The following SYN3 variants were observed in gnomAD, a reference collection of about 807,000 sequenced individuals.
SYN3 encodes synapsin III.
SYN3 carries 35 observed loss-of-function variants against 65.8 expected under a neutral mutation model. The ratio of observed to expected loss-of-function variants is 0.53; its 90% confidence interval spans 0.41 to 0.70. SYN3 has a LOEUF of 0.70. SYN3 is among the 30% of genes least tolerant of loss of function. The pLI is 0.00. For synonymous variants in SYN3, 270 were observed against 292.9 expected (o/e 0.92, Z 0.80); for missense variants, 680 against 749.0 (o/e 0.91, Z 1.08).
In SYN3 at chr22:32,710,645, A is replaced by AAAAAAAAAAAAAAAAG. The variant is rs1555931894; in HGVS notation, c.712-113910_712-113909insCTTTTTTTTTTTTTTT. On this transcript the variant is annotated intron_variant, in intron 6 of 13. Coordinates refer to ENST00000358763, the MANE Select transcript of SYN3 (RefSeq NM_003490.4). ...GAGACTCTGTCTCAAAAAAAAAAAA[A>AAAAAAAAAAAAAAAAG]AAAGAAAGAAAGAAAAAGAAAGAAA... Among the ~76,000 whole-genome samples, 247 of 126,942 alleles carry AAAAAAAAAAAAAAAAG rather than the reference A, an allele frequency of 1.9e-3. 15 individuals are homozygous for AAAAAAAAAAAAAAAAG. Among genetic ancestry groups the AAAAAAAAAAAAAAAAG allele is most frequent in the African/African-American group, 7.8e-3 (224 of 28,698 alleles). The allele number at this position is 126,942 out of a possible 152,430, so 83.3% of individuals were successfully genotyped here. A position where few individuals can be genotyped will look rare whatever the true frequency, so the allele number is the denominator to read the frequency against.
chr22:32,611,006 A>C (rs1472072271), intron 6 of SYN3, among the ~76,000 whole-genome samples: 1 of 152,224 alleles, frequency 6.6e-6, no homozygotes, highest in Non-Finnish European at 1.5e-5. Flanking sequence ...TGACCTGGAT[A>C]TGTATTTCCA....
At position 32,575,237 on chromosome 22, in the gene SYN3, C is replaced by T. The variant is rs181604919; in HGVS notation, c.774+21437G>A. On this transcript the variant is annotated intron_variant, in intron 7 of 13. Transcript: ENST00000358763. ...AGGGCTCAAAGTCAAAAGAGCAAAG[C>T]CAGGTCACTGTTGAGGAAGCATTGG... Among the ~76,000 whole-genome samples the T allele has an allele frequency of 1.4e-3, 220 of 152,322 alleles. 1 individual carries two copies. Among genetic ancestry groups the T allele is most frequent in the Middle Eastern group, 3.4e-3 (1 of 294 alleles).
At chr22:32,598,030 G>A (rs894958258) in intron 6 of SYN3, among the ~76,000 whole-genome samples, 15 of 152,214 alleles carry the variant, frequency 9.9e-5, no homozygotes, top group African/African-American at 3.1e-4. Flanking sequence ...TTTGCATTGC[G>A]TGAGGGCAAA....
intron 4 of SYN3, among the ~76,000 whole-genome samples, chr22:32,929,705 A>C (rs1404681178): frequency 6.6e-6 from 1 of 152,180 alleles, no homozygotes; most frequent in Non-Finnish European, 1.5e-5. Context: ...TTCACCTAGA[A>C]GCTGTAGTCC....
At chr22:32,767,115 C>T (rs546053952) in intron 6 of SYN3, among the ~76,000 whole-genome samples, 56 of 152,284 alleles carry the variant, frequency 3.7e-4, no homozygotes, top group East Asian at 1.4e-3. Flanking sequence ...ATCCCTACTG[C>T]GCATCAGGGA....
At chr22:32,724,848 C>T (rs955044321) in intron 6 of SYN3, among the ~76,000 whole-genome samples, 6 of 152,110 alleles carry the variant, frequency 3.9e-5, no homozygotes, top group Admixed American at 1.3e-4. Flanking sequence ...GGGCCGAGCG[C>T]GGTGGCTCAC....
intron 6 of SYN3, among the ~76,000 whole-genome samples, chr22:32,639,911 G>A (rs2059871858): frequency 6.6e-6 from 1 of 152,136 alleles, no homozygotes; most frequent in Non-Finnish European, 1.5e-5. Flanking sequence ...ACTTTGTGTG[G>A]CTATTGGATG....
At chr22:32,671,395 C>A (rs1229766448) in intron 6 of SYN3, among the ~76,000 whole-genome samples, 1 of 152,018 alleles carries the variant, frequency 6.6e-6, no homozygotes, top group African/African-American at 2.4e-5. Flanking sequence ...CACCCGCATC[C>A]TCTCACACTC....
chr22:32,587,573 T>C (rs1422092114), intron 7 of SYN3, among the ~76,000 whole-genome samples: 2 of 152,180 alleles, frequency 1.3e-5, no homozygotes, highest in East Asian at 3.9e-4. Flanking sequence ...GCTCATTTTC[T>C]AATACTCCCT....
intron 6 of SYN3, among the ~76,000 whole-genome samples, chr22:32,792,794 G>A (rs1010580764): frequency 2.0e-5 from 3 of 152,116 alleles, no homozygotes; most frequent in Admixed American, 2.0e-4. Context: ...AGCACTCAAC[G>A]AGAACCCAAG....
Position 32,864,979 on chromosome 22 carries a change from T to C in SYN3, c.647A>G (p.His216Arg). ...WVFSQLIKIF[H>R]SLGPEKFPLV... ...CGGGAACTTCTCAGGACCCAGGGAATGGAAGATCTTAATGAGCTGAGAGAA... is the reference window on the plus strand; with the variant it reads ...CGGGAACTTCTCAGGACCCAGGGAACGGAAGATCTTAATGAGCTGAGAGAA... Residue 216 changes from histidine to arginine, a missense_variant, in exon 6 of 14, where the codon CAT (histidine) becomes CGT (arginine). His to Arg is a conservative substitution (Grantham distance 29). Transcript: ENST00000358763. 1.9e-6 allele frequency: 3 copies of C among 1,614,080 alleles called. No individual in the cohort carries two copies. Among genetic ancestry groups the C allele is most frequent in the Admixed American group, 1.7e-5 (1 of 60,024 alleles).
intron 3 of SYN3, among the ~76,000 whole-genome samples, chr22:32,946,306 T>C (rs1229258455): frequency 8.5e-5 from 13 of 152,204 alleles, no homozygotes; most frequent in Non-Finnish European, 4.4e-5. Flanking sequence ...TGTCCATCAA[T>C]GATAGACTGG....
At chr22:32,541,964 G>A (rs2058263259) in intron 7 of SYN3, among the ~76,000 whole-genome samples, 1 of 152,124 alleles carries the variant, frequency 6.6e-6, no homozygotes, top group Non-Finnish European at 1.5e-5. Context: ...GGGTTTGGAA[G>A]GATGAACATG....
rs184281596 is a variant in SYN3, at chr22:32,897,690, T to C, written c.462-28565A>G. ...TCCTTGTGGAAAATGAAGATCATAATAGCGCTTACCTCACAGAGTTGTTAA... is the reference window on the plus strand; with the variant it reads ...TCCTTGTGGAAAATGAAGATCATAACAGCGCTTACCTCACAGAGTTGTTAA... On this transcript the variant is annotated intron_variant, in intron 4 of 13. Coordinates refer to ENST00000358763, the MANE Select transcript of SYN3 (RefSeq NM_003490.4). Among the ~76,000 whole-genome samples, 88 of 152,340 alleles carry C rather than the reference T, an allele frequency of 5.8e-4. 1 individual carries two copies. The highest frequency in any genetic ancestry group is 1.9e-3 in the African/African-American group (78 of 41,574).
At position 32,511,611 on chromosome 22, in the gene SYN3, G is replaced by T. The variant is rs908060343; in HGVS notation, c.*2081C>A. Among the ~76,000 whole-genome samples the T allele has an allele frequency of 1.3e-5, 2 of 152,176 alleles. No individual in the cohort carries two copies. Among genetic ancestry groups the T allele is most frequent in the Admixed American group, 6.5e-5 (1 of 15,280 alleles). On this transcript the variant is annotated 3_prime_UTR_variant, in exon 14 of 14. Transcript: ENST00000358763. ...CATGGAGACAGAGTAAGGGTGGTGGGCTTTTTGGGCGCTAGAAAGAGTACC... is the reference window on the plus strand; with the variant it reads ...CATGGAGACAGAGTAAGGGTGGTGGTCTTTTTGGGCGCTAGAAAGAGTACC...
intron 6 of SYN3, among the ~76,000 whole-genome samples, chr22:32,812,314 G>A (rs2046936815): frequency 6.6e-6 from 1 of 152,154 alleles, no homozygotes; most frequent in African/African-American, 2.4e-5. Flanking sequence ...GGATTTCTGT[G>A]GTTGCAAAAG....
rs76674051 is a variant in SYN3 at position 32,803,489 on chromosome 22, T to A, written c.711+61426A>T. Among the ~76,000 whole-genome samples the A allele has an allele frequency of 3.7e-3, 559 of 152,224 alleles. 6 individuals carry two copies. The highest frequency in any genetic ancestry group is 0.013 in the African/African-American group (523 of 41,532). ...TGTTTGTGTGACCTGAGGTCACCCT[T>A]GTAAGAGGCTCCCTGGGGCCTGCAT... On this transcript the variant is annotated intron_variant, in intron 6 of 13. Transcript: ENST00000358763.
intron 1 of SYN3, among the ~76,000 whole-genome samples, chr22:33,055,643 A>T (rs1395279899): frequency 6.6e-6 from 1 of 152,206 alleles, no homozygotes; most frequent in African/African-American, 2.4e-5. Flanking sequence ...AAATAGATAA[A>T]TGACTGTTAC....
At chr22:32,921,548 G>A (rs949722676) in intron 4 of SYN3, among the ~76,000 whole-genome samples, 5 of 152,144 alleles carry the variant, frequency 3.3e-5, no homozygotes, top group African/African-American at 9.7e-5. Flanking sequence ...ACAAAGATTC[G>A]AAGACACTTG....
Sources: allele counts gnomAD v4.1 joint callset (sites outside exome capture counted in the v4.1 genomes callset), GRCh38; gene constraint gnomAD v4.1.1; transcripts MANE v1.5; gene names NCBI Gene and HGNC (gene_info 2026-07-23, HGNC 2026-07-21).